The following PPP1R12B variants were observed in gnomAD, a reference collection of about 807,000 sequenced individuals.
PPP1R12B encodes myosin phosphatase target subunit 2.
Under a neutral mutation model 126.1 loss-of-function variants are expected in PPP1R12B, and 76 were observed. That is an observed-to-expected ratio of 0.60 (90% CI 0.50 to 0.73). The LOEUF (loss-of-function observed/expected upper bound fraction) is 0.73. Among genes scored for constraint, PPP1R12B ranks in the 30% least tolerant of loss-of-function variants. PPP1R12B has a pLI of 0.00. For synonymous variants in PPP1R12B, 356 were observed against 434.7 expected, an observed-to-expected ratio of 0.82 and a Z score of 2.25; for missense variants, 1,052 against 1,205.1, an observed-to-expected ratio of 0.87 and a Z score of 1.88.
chr1:202,359,679 G>GGGGGGTGGGGGT (rs1355613176), intron 1 of PPP1R12B, among the ~76,000 whole-genome samples: 1 of 139,970 alleles, frequency 7.1e-6, no homozygotes, highest in African/African-American at 2.6e-5. Context: ...TACTGGCGGT[G>GGGGGGTGGGGGT]GGGGGTGGGG....
chr1:202,428,681 T>C (rs1669850176), intron 5 of PPP1R12B, 174 bp from the exon 6 acceptor site: 1 of 580,688 alleles, frequency 1.7e-6, no homozygotes, highest in Non-Finnish European at 3.0e-6. Flanking sequence ...TTTCTTGTTA[T>C]GTGTCCTGTG....
intron 8 of PPP1R12B, among the ~76,000 whole-genome samples, chr1:202,431,889 G>T (rs1263174962): frequency 6.6e-6 from 1 of 152,288 alleles, no homozygotes; most frequent in South Asian, 2.1e-4. Flanking sequence ...CACTTTGGGA[G>T]GCCAAGTGCG....
intron 21 of PPP1R12B, 125 bp downstream of exon 21, chr1:202,564,672 A>T (rs1687894629): frequency 6.1e-6 from 4 of 655,328 alleles, no homozygotes; most frequent in Non-Finnish European, 7.6e-6. Context: ...GGGCAATGAG[A>T]TAGAAGCTTC....
chr1:202,399,080 C>T (rs559199116), intron 1 of PPP1R12B, among the ~76,000 whole-genome samples: 2 of 152,060 alleles, frequency 1.3e-5, no homozygotes, highest in South Asian at 4.2e-4. Context: ...TATCTGCTAC[C>T]AACTAATAAC....
intron 10 of PPP1R12B, 92 bp from the exon 11 acceptor site, chr1:202,440,614 T>C (rs777798398): frequency 4.0e-5 from 34 of 840,626 alleles, no homozygotes; most frequent in East Asian, 7.6e-5. Context: ...TAAGATGATA[T>C]AGGTATATTA....
chr1:202,563,895 C>T (rs986296304), intron 20 of PPP1R12B, among the ~76,000 whole-genome samples: 3 of 151,914 alleles, frequency 2.0e-5, no homozygotes, highest in African/African-American at 7.3e-5. Flanking sequence ...TAGTGAGACC[C>T]CCATCTCCAC....
At chr1:202,353,982 TGTGA>T (rs1310378807) in intron 1 of PPP1R12B, among the ~76,000 whole-genome samples, 2 of 152,116 alleles carry the variant, frequency 1.3e-5, no homozygotes, top group Non-Finnish European at 2.9e-5. Flanking sequence ...TCTTCTACTC[TGTGA>T]GTATTTTGAA....
intron 1 of PPP1R12B, among the ~76,000 whole-genome samples, chr1:202,366,317 G>A (rs1659225246): frequency 2.0e-5 from 3 of 152,006 alleles, no homozygotes; most frequent in Middle Eastern, 3.4e-3. Context: ...TCAGGAGTCC[G>A]AGACCAGCTT....
chr1:202,388,758 T>G (rs949826420), intron 1 of PPP1R12B, among the ~76,000 whole-genome samples: 2 of 152,162 alleles, frequency 1.3e-5, no homozygotes, highest in African/African-American at 4.8e-5. Flanking sequence ...TCCATGTAAC[T>G]CTAGTCAAAA....
chr1:202,426,334 A>G (rs1669501974), intron 4 of PPP1R12B, among the ~76,000 whole-genome samples: 1 of 152,162 alleles, frequency 6.6e-6, no homozygotes, highest in African/African-American at 2.4e-5. Context: ...CACCTAATGC[A>G]GGGTTTTTAA....
At chr1:202,356,841 G>T (rs1657195017) in intron 1 of PPP1R12B, among the ~76,000 whole-genome samples, 1 of 144,820 alleles carries the variant, frequency 6.9e-6, no homozygotes, top group African/African-American at 2.6e-5. Flanking sequence ...TTTTTTTTGA[G>T]ACTGAATTTT....
At chr1:202,360,944 A>G (rs984777524) in intron 1 of PPP1R12B, among the ~76,000 whole-genome samples, 1 of 148,690 alleles carries the variant, frequency 6.7e-6, no homozygotes, top group African/African-American at 2.5e-5. Flanking sequence ...AGGCTAGAAG[A>G]CAGTGGCGCG....
intron 1 of PPP1R12B, among the ~76,000 whole-genome samples, chr1:202,416,559 T>G (rs2148617201): frequency 6.7e-6 from 1 of 149,698 alleles, no homozygotes; most frequent in Non-Finnish European, 1.5e-5. Context: ...TTAAGTATGA[T>G]TATACATGAA....
chr1:202,564,354 T>G, intron 20 of PPP1R12B, 89 bp from the exon 21 acceptor site: 1 of 926,148 alleles, frequency 1.1e-6, no homozygotes, highest in Non-Finnish European at 1.7e-6. Context: ...TAGTGGTGGC[T>G]TGGGGCACAG....
In PPP1R12B at chr1:202,580,852, C is replaced by A. The variant is rs1689510649; in HGVS notation, c.*292C>A. ...GAGTACACCAGGCTCAGCTGTGGAC[C>A]CCTCAACTTCCTGCTGCTCAGCTAC... On this transcript the variant is annotated 3_prime_UTR_variant, in exon 24 of 24. Coordinates refer to ENST00000608999, the MANE Select transcript of PPP1R12B (RefSeq NM_002481.4). 5 of 326,022 alleles carry A rather than the reference C, an allele frequency of 1.5e-5. No individual in the cohort carries two copies. The highest frequency in any genetic ancestry group is 3.0e-5 in the Non-Finnish European group (5 of 168,662). The allele number at this position is 326,022 out of a possible 1,614,324, so 20.2% of individuals were successfully genotyped here.
chr1:202,388,744 A>C (rs1207710145), intron 1 of PPP1R12B, among the ~76,000 whole-genome samples: 1 of 152,170 alleles, frequency 6.6e-6, no homozygotes, highest in Non-Finnish European at 1.5e-5. Context: ...TTTTTATTAT[A>C]AAATCCATGT....
chr1:202,386,095 G>C (rs768665075), intron 1 of PPP1R12B, among the ~76,000 whole-genome samples: 1 of 149,566 alleles, frequency 6.7e-6, no homozygotes. Flanking sequence ...CACCATGCCC[G>C]GCTAATTTTT....
intron 2 of PPP1R12B, among the ~76,000 whole-genome samples, chr1:202,421,173 T>C (rs1668707413): frequency 6.6e-6 from 1 of 151,810 alleles, no homozygotes; most frequent in African/African-American, 2.4e-5. Flanking sequence ...CAGGCTTGTC[T>C]CAAACTCCTG....
chr1:202,555,735 G>A (rs535365986), intron 18 of PPP1R12B, among the ~76,000 whole-genome samples: 1 of 152,224 alleles, frequency 6.6e-6, no homozygotes, highest in East Asian at 1.9e-4. Flanking sequence ...TTTGAAGGCT[G>A]TTCTACTCAG....
Sources: allele counts gnomAD v4.1 joint callset (sites outside exome capture counted in the v4.1 genomes callset), GRCh38; gene constraint gnomAD v4.1.1; transcripts MANE v1.5; gene names NCBI Gene and HGNC (gene_info 2026-07-23, HGNC 2026-07-21).